The following HPSE2 variants were observed in gnomAD, a reference collection of about 807,000 sequenced individuals.
HPSE2 encodes the protein heparanase 2 (inactive).
A neutral mutation model predicts 60.5 loss-of-function variants in HPSE2; 38 were observed. The ratio of observed to expected loss-of-function variants is 0.63; its 90% CI spans 0.48 to 0.82. The LOEUF (loss-of-function observed/expected upper bound fraction) is 0.82, where lower values mean the gene tolerates loss of function less well. Ranked by LOEUF, HPSE2 falls within the 40% of genes least tolerant of loss-of-function variation. The pLI is 0.00. For synonymous variants in HPSE2, 295 were observed against 293.2 expected (o/e 1.01, Z -0.06); for missense variants, 713 against 740.4 (o/e 0.96, Z 0.43).
At chr10:98,717,296 A>G (rs899866928) in intron 5 of HPSE2, among the ~76,000 whole-genome samples, 2 of 152,130 alleles carry the variant, frequency 1.3e-5, no homozygotes, top group African/African-American at 4.8e-5. Context: ...TAGCTGCAAT[A>G]AGGCTGTTTC....
At chr10:98,462,247 T>G (rs1940324890) in intron 11 of HPSE2, among the ~76,000 whole-genome samples, 1 of 152,184 alleles carries the variant, frequency 6.6e-6, no homozygotes. Context: ...GGTGCATTCT[T>G]GGCTCACTGC....
intron 3 of HPSE2, among the ~76,000 whole-genome samples, chr10:98,888,839 A>C (rs1014912202): frequency 6.6e-6 from 1 of 152,216 alleles, no homozygotes; most frequent in Non-Finnish European, 1.5e-5. Flanking sequence ...AGAATCTTTC[A>C]ATTTGGAATT....
intron 3 of HPSE2, among the ~76,000 whole-genome samples, chr10:99,090,943 T>C (rs576308541): frequency 6.6e-6 from 1 of 152,256 alleles, no homozygotes; most frequent in East Asian, 1.9e-4. Flanking sequence ...AGTTTATCAG[T>C]CCTCAAAATC....
chr10:98,698,365 C>A (rs893244860), intron 5 of HPSE2, among the ~76,000 whole-genome samples: 38 of 151,156 alleles, frequency 2.5e-4, no homozygotes, highest in African/African-American at 9.1e-4. Flanking sequence ...TACATGGAAA[C>A]TGAACAACCT....
intron 3 of HPSE2, 139 bp downstream of exon 3, chr10:99,144,099 C>G (rs1296768028): frequency 2.3e-6 from 2 of 874,140 alleles, no homozygotes; most frequent in Admixed American, 2.2e-5. Context: ...CTGCAAACTA[C>G]AAGGAATATT....
intron 3 of HPSE2, among the ~76,000 whole-genome samples, chr10:98,818,695 C>G (rs537751496): frequency 6.9e-4 from 105 of 152,244 alleles, no homozygotes; most frequent in Non-Finnish European, 1.1e-3. Flanking sequence ...AAGATCCAGG[C>G]CTGCACCCAA....
the HPSE2 span, among the ~76,000 whole-genome samples, chr10:99,253,336 T>C: frequency 6.6e-6 from 1 of 152,152 alleles, no homozygotes; most frequent in African/African-American, 2.4e-5. Flanking sequence ...GCTGCACACC[T>C]ACAGCCATCT....
intron 8 of HPSE2, 134 bp from the exon 9 acceptor site, chr10:98,615,152 GT>G: frequency 1.5e-6 from 1 of 678,664 alleles, no homozygotes; most frequent in Non-Finnish European, 2.7e-6. Context: ...TTTAAAAAGG[GT>G]TATTTTAAGC....
Position 98,937,891 on chromosome 10 carries a change from C to A in HPSE2, c.611-193835G>T, listed in dbSNP as rs1430472273. On this transcript the variant is annotated intron_variant, in intron 3 of 11. Coordinates refer to ENST00000370552, the MANE Select transcript of HPSE2 (RefSeq NM_021828.5). ...GGCCCAGTACTCCTCTGAGACAAAA[C>A]TTCCAGAGGAACGATCAGACAGCAG... 3.5e-5 allele frequency among the ~76,000 whole-genome samples: 5 copies of A among 143,494 alleles called. 2 individuals carry two copies. The highest frequency in any genetic ancestry group is 1.1e-4 in the African/African-American group (4 of 35,100). 94.1% of individuals were successfully genotyped at this position (143,494 alleles called of 152,430 possible).
the HPSE2 span, among the ~76,000 whole-genome samples, chr10:99,294,756 C>A: frequency 0.86 from 129,947 of 151,942 alleles, 55,916 homozygotes; most frequent in African/African-American, 0.92. Flanking sequence ...CAACATAGTG[C>A]AACCCTGTCT....
chr10:98,617,637 A>T (rs1945949853), intron 8 of HPSE2, among the ~76,000 whole-genome samples: 1 of 152,182 alleles, frequency 6.6e-6, no homozygotes, highest in Non-Finnish European at 1.5e-5. Flanking sequence ...CTATAATAAC[A>T]AGACCCCTCA....
In HPSE2 at chr10:98,490,201, G is replaced by A; in HGVS notation, c.1321-5C>T. 1 of 1,613,996 alleles carries A rather than the reference G, an allele frequency of 6.2e-7. No individual in the cohort carries two copies. Among genetic ancestry groups the A allele is most frequent in the Non-Finnish European group, 8.5e-7 (1 of 1,179,992 alleles). On this transcript the variant is annotated splice_polypyrimidine_tract_variant and splice_region_variant and intron_variant, in intron 9 of 11. Coordinates refer to ENST00000370552, the MANE Select transcript of HPSE2 (RefSeq NM_021828.5). ...GAGGAGAGAGAGCCAGTAGTCCTGA[G>A]GAGAATAGAGAGGGAGAGGGTCAGC...
At chr10:98,964,017 T>G (rs958850195) in intron 3 of HPSE2, among the ~76,000 whole-genome samples, 1 of 152,168 alleles carries the variant, frequency 6.6e-6, no homozygotes, top group Non-Finnish European at 1.5e-5. Flanking sequence ...GGAAAAATAG[T>G]TGCGTGTTTA....
chr10:98,867,880 C>G (rs989825505), intron 3 of HPSE2, among the ~76,000 whole-genome samples: 1 of 151,634 alleles, frequency 6.6e-6, no homozygotes, highest in Admixed American at 6.6e-5. Flanking sequence ...GCCAACATGG[C>G]GAAACCCTGT....
intron 9 of HPSE2, among the ~76,000 whole-genome samples, chr10:98,609,032 C>T (rs954673893): frequency 2.0e-5 from 3 of 152,200 alleles, no homozygotes; most frequent in African/African-American, 7.2e-5. Context: ...ATTAATGCCT[C>T]TGTACTTTAA....
intron 7 of HPSE2, among the ~76,000 whole-genome samples, chr10:98,630,206 T>G (rs943276043): frequency 2.2e-4 from 33 of 150,424 alleles, no homozygotes; most frequent in Admixed American, 6.6e-4. Flanking sequence ...TTTTTTTTTT[T>G]TTTGTTTTTG....
At chr10:98,605,676 T>C (rs1042938660) in intron 9 of HPSE2, among the ~76,000 whole-genome samples, 1 of 152,248 alleles carries the variant, frequency 6.6e-6, no homozygotes, top group Non-Finnish European at 1.5e-5. Context: ...TGAAGGGCAA[T>C]AAACAGGAAG....
At chr10:98,836,384 T>C (rs907850865) in intron 3 of HPSE2, among the ~76,000 whole-genome samples, 1 of 152,200 alleles carries the variant, frequency 6.6e-6, no homozygotes, top group Non-Finnish European at 1.5e-5. Flanking sequence ...AAATACCCCA[T>C]GCAAATCTCT....
intron 2 of HPSE2, among the ~76,000 whole-genome samples, chr10:99,148,351 A>G (rs1191512310): frequency 6.6e-6 from 1 of 152,226 alleles, no homozygotes; most frequent in East Asian, 1.9e-4. Context: ...AGAGCACAAT[A>G]AAGAGTACCT....
Sources: allele counts gnomAD v4.1 joint callset (sites outside exome capture counted in the v4.1 genomes callset), GRCh38; gene constraint gnomAD v4.1.1; transcripts MANE v1.5; gene names NCBI Gene and HGNC (gene_info 2026-07-23, HGNC 2026-07-21).